DCDC2C: variants seen among roughly 807,000 people sequenced by gnomAD.
DCDC2C encodes the protein doublecortin domain-containing protein 2C.
DCDC2C carries 44 observed loss-of-function variants against 45.0 expected under a neutral mutation model. The ratio of observed to expected loss-of-function variants is 0.98; its 90% confidence interval spans 0.77 to 1.26. DCDC2C has a LOEUF of 1.26. Ranked by LOEUF, DCDC2C falls within the 50% of genes most tolerant of loss-of-function variation. The pLI, the probability that DCDC2C is intolerant of heterozygous loss-of-function variation, is 0.00. For synonymous variants in DCDC2C, 187 were observed against 178.8 expected (o/e 1.05, Z -0.37); for missense variants, 447 against 468.9 (o/e 0.95, Z 0.43).
At chr2:3,770,600 C>T (rs1670137191) in intron 8 of DCDC2C, among the ~76,000 whole-genome samples, 1 of 152,054 alleles carries the variant, frequency 6.6e-6, no homozygotes, top group Non-Finnish European at 1.5e-5. Flanking sequence ...TTTGTATTGC[C>T]CACTTAAGAG....
intron 10 of DCDC2C, among the ~76,000 whole-genome samples, chr2:3,840,123 AGT>A (rs1672178021): frequency 1.3e-5 from 2 of 152,334 alleles, no homozygotes; most frequent in Admixed American, 1.3e-4. Context: ...TGTTGATGTA[AGT>A]GTACATTTTT....
intron 10 of DCDC2C, among the ~76,000 whole-genome samples, chr2:3,787,220 A>T (rs1399672147): frequency 6.6e-6 from 1 of 152,162 alleles, no homozygotes; most frequent in Non-Finnish European, 1.5e-5. Context: ...CACACAGGTT[A>T]CTCTTTTAAA....
At chr2:3,720,901 T>C (rs1205593717) in intron 2 of DCDC2C, among the ~76,000 whole-genome samples, 1 of 152,212 alleles carries the variant, frequency 6.6e-6, no homozygotes. Context: ...AGCGTTGTCT[T>C]TGTGTGAAGA....
At chr2:3,750,852 C>T (rs546990348) in intron 4 of DCDC2C, among the ~76,000 whole-genome samples, 5 of 152,116 alleles carry the variant, frequency 3.3e-5, no homozygotes, top group African/African-American at 4.8e-5. Context: ...TTCTTTTCAC[C>T]GGTGTCGGCA....
At chr2:3,834,471 A>G (rs2034732) in intron 10 of DCDC2C, among the ~76,000 whole-genome samples, 81,850 of 151,962 alleles carry the variant, frequency 0.54, 22,897 homozygotes, top group Non-Finnish European at 0.62. Context: ...CTTTCAGACT[A>G]TAAACGCTTA....
At chr2:3,843,351 G>A (rs1024984977) in intron 10 of DCDC2C, among the ~76,000 whole-genome samples, 16 of 152,128 alleles carry the variant, frequency 1.1e-4, no homozygotes, top group African/African-American at 3.4e-4. Flanking sequence ...GAAAACAAGG[G>A]GATGAGCAGG....
intron 10 of DCDC2C, among the ~76,000 whole-genome samples, chr2:3,822,404 A>C (rs569733132): frequency 6.6e-6 from 1 of 152,260 alleles, no homozygotes; most frequent in African/African-American, 2.4e-5. Flanking sequence ...ACTCATTGGC[A>C]AACAATTATT....
chr2:3,839,430 C>T (rs562531449), intron 10 of DCDC2C, among the ~76,000 whole-genome samples: 11 of 152,236 alleles, frequency 7.2e-5, no homozygotes, highest in South Asian at 6.2e-4. Context: ...GGTTTTAAAC[C>T]GAGTATTGAA....
At chr2:3,808,581 G>A (rs1433598202) in intron 10 of DCDC2C, among the ~76,000 whole-genome samples, 1 of 152,042 alleles carries the variant, frequency 6.6e-6, no homozygotes, top group Admixed American at 6.6e-5. Flanking sequence ...TGGTAGAGAC[G>A]GGGTTTCACC....
intron 6 of DCDC2C, among the ~76,000 whole-genome samples, chr2:3,755,899 T>C (rs1015708510): frequency 1.3e-5 from 2 of 152,154 alleles, no homozygotes; most frequent in Non-Finnish European, 2.9e-5. Flanking sequence ...TGAATACATG[T>C]GTATGTATGT....
In DCDC2C at chr2:3,813,050, T is replaced by TAC. The variant is rs1171863287; in HGVS notation, c.1065+27951_1065+27952insCA. ...GCACTGAGAAGAACGTATATATATA[T>TAC]ATATATATATATATATATTTTTTTT... On this transcript the variant is annotated intron_variant, in intron 10 of 10. Coordinates refer to ENST00000399143, the MANE Select transcript of DCDC2C (RefSeq NM_001287444.2). Among the ~76,000 whole-genome samples, 128 of 78,830 alleles carry TAC rather than the reference T, an allele frequency of 1.6e-3. 1 individual carries two copies. The highest frequency in any genetic ancestry group is 2.0e-3 in the Non-Finnish European group (90 of 46,000). 51.7% of individuals were successfully genotyped at this position (78,830 alleles called of 152,430 possible).
At chr2:3,755,270 T>C (rs545383081) in intron 6 of DCDC2C, among the ~76,000 whole-genome samples, 2 of 152,170 alleles carry the variant, frequency 1.3e-5, no homozygotes, top group Admixed American at 6.5e-5. Flanking sequence ...CGTGTGTACA[T>C]GGATGCATGT....
chr2:3,796,368 C>T, intron 10 of DCDC2C, among the ~76,000 whole-genome samples: 1 of 111,070 alleles, frequency 9.0e-6, no homozygotes, highest in Non-Finnish European at 1.8e-5. Flanking sequence ...ATTTCCTTCT[C>T]CCGCCTAATT....
At chr2:3,743,834 G>C (rs1406534090) in intron 4 of DCDC2C, among the ~76,000 whole-genome samples, 1 of 152,204 alleles carries the variant, frequency 6.6e-6, no homozygotes, top group Non-Finnish European at 1.5e-5. Context: ...TTGGGAGGCC[G>C]AGGCCGGTGG....
At chr2:3,708,932 T>C (rs1668137358) in intron 2 of DCDC2C, among the ~76,000 whole-genome samples, 1 of 152,238 alleles carries the variant, frequency 6.6e-6, no homozygotes, top group South Asian at 2.1e-4. Context: ...TTTAGAGTTA[T>C]GCAATGCTGA....
chr2:3,719,091 C>CA (rs1187388358), intron 2 of DCDC2C, among the ~76,000 whole-genome samples: 179 of 145,844 alleles, frequency 1.2e-3, no homozygotes, highest in African/African-American at 3.6e-3. Flanking sequence ...CAGCTGTTTC[C>CA]TTTTTTTTTT....
At chr2:3,709,008 A>G (rs1306213978) in intron 2 of DCDC2C, among the ~76,000 whole-genome samples, 2 of 152,230 alleles carry the variant, frequency 1.3e-5, no homozygotes. Flanking sequence ...CGTGATAGAC[A>G]TTTATTAGGT....
intron 4 of DCDC2C, among the ~76,000 whole-genome samples, chr2:3,746,612 C>T (rs1173139926): frequency 6.6e-6 from 1 of 152,204 alleles, no homozygotes; most frequent in South Asian, 2.1e-4. Flanking sequence ...TGAGTATATA[C>T]TCTGCACCGT....
chr2:3,767,437 CTTGT>C (rs1178819220), intron 6 of DCDC2C, among the ~76,000 whole-genome samples: 1 of 152,204 alleles, frequency 6.6e-6, no homozygotes, highest in African/African-American at 2.4e-5. Flanking sequence ...CTTTGACTTG[CTTGT>C]TCCTCTAAAG....
Sources: allele counts gnomAD v4.1 joint callset (sites outside exome capture counted in the v4.1 genomes callset), GRCh38; gene constraint gnomAD v4.1.1; transcripts MANE v1.5; gene names NCBI Gene and HGNC (gene_info 2026-07-23, HGNC 2026-07-21).